Variants in NRG3 observed in about 807,000 individuals in gnomAD.
The protein encoded by NRG3 is pro-neuregulin-3, membrane-bound isoform.
NRG3 carries 31 observed loss-of-function variants against 66.9 expected under a neutral mutation model. The observed-to-expected ratio is 0.46, with a 90% CI of 0.35 to 0.63. The LOEUF (loss-of-function observed/expected upper bound fraction) is 0.63. Ranked by LOEUF, NRG3 falls within the 20% of genes least tolerant of loss-of-function variation. The pLI, the probability that NRG3 is intolerant of heterozygous loss-of-function variation, is 0.00. For synonymous variants in NRG3, 393 were observed against 359.4 expected (o/e 1.09, Z -1.06); for missense variants, 910 against 878.9 (o/e 1.04, Z -0.45).
chr10:82,091,740 T>C (rs1459830263), intron 1 of NRG3, among the ~76,000 whole-genome samples: 1 of 152,198 alleles, frequency 6.6e-6, no homozygotes, highest in Non-Finnish European at 1.5e-5. Context: ...TACCATGCTG[T>C]TTCCACAGCA....
chr10:82,586,240 T>TAA (rs56840714), intron 2 of NRG3, among the ~76,000 whole-genome samples: 8,029 of 144,116 alleles, frequency 0.056, 291 homozygotes, highest in Non-Finnish European at 0.081. Context: ...TTGAAATTAT[T>TAA]AAAAAAAAAA....
At chr10:82,227,126 C>T (rs2076204247) in intron 1 of NRG3, among the ~76,000 whole-genome samples, 1 of 152,072 alleles carries the variant, frequency 6.6e-6, no homozygotes, top group Non-Finnish European at 1.5e-5. Flanking sequence ...GGTCATCTTT[C>T]CTTATTCTTC....
chr10:81,981,157 C>T (rs2060319278), intron 1 of NRG3, among the ~76,000 whole-genome samples: 2 of 152,078 alleles, frequency 1.3e-5, no homozygotes, highest in African/African-American at 4.8e-5. Flanking sequence ...TTCTAACTTC[C>T]AAAACTCATG....
At chr10:82,633,997 T>G (rs564345171) in intron 2 of NRG3, among the ~76,000 whole-genome samples, 1 of 152,270 alleles carries the variant, frequency 6.6e-6, no homozygotes, top group South Asian at 2.1e-4. Context: ...TATTAAAACA[T>G]TGATAACCAA....
At chr10:82,808,895 A>G (rs2061388737) in intron 3 of NRG3, among the ~76,000 whole-genome samples, 1 of 152,232 alleles carries the variant, frequency 6.6e-6, no homozygotes, top group Non-Finnish European at 1.5e-5. Flanking sequence ...CATGAATTAC[A>G]TGTATTGGGG....
chr10:82,500,916 T>C lies in NRG3; in HGVS notation c.953+142048T>C, dbSNP rs144720113. On this transcript the variant is annotated intron_variant, in intron 2 of 8. Coordinates refer to ENST00000372141, the MANE Select transcript of NRG3 (RefSeq NM_001010848.4). Reference sequence around the variant, plus strand: ...GTCTAGATGGTAGATGGTTATTTAATGAGAGGTAAGGATGGAGTATGATTT... The same window carrying C: ...GTCTAGATGGTAGATGGTTATTTAACGAGAGGTAAGGATGGAGTATGATTT... Among the ~76,000 whole-genome samples, 59 of 152,256 alleles carry C rather than the reference T, an allele frequency of 3.9e-4. No homozygotes were observed. The East Asian group carries it at 0.01, about 26-fold the overall frequency.
rs551453138 is a variant in NRG3 at position 82,858,571 on chromosome 10, A to G, written c.1028-6840A>G. Among the ~76,000 whole-genome samples the G allele has an allele frequency of 3.3e-5, 5 of 152,286 alleles. No homozygotes were observed. In the South Asian group the frequency reaches 1.0e-3, roughly 32 times the overall value. On this transcript the variant is annotated intron_variant, in intron 3 of 8. Coordinates refer to ENST00000372141, the MANE Select transcript of NRG3 (RefSeq NM_001010848.4). ...TCAACTTGCCTTCCTCACAAAACCT[A>G]TTTGCTCTTCTCAGTTGCAATGGAC...
chr10:82,208,917 A>G (rs1024262884), intron 1 of NRG3, among the ~76,000 whole-genome samples: 3 of 152,162 alleles, frequency 2.0e-5, no homozygotes, highest in Non-Finnish European at 4.4e-5. Flanking sequence ...TCAGGAACAT[A>G]TGGTCCATGT....
chr10:81,965,583 AATC>A (rs1407993855), intron 1 of NRG3, among the ~76,000 whole-genome samples: 2 of 152,158 alleles, frequency 1.3e-5, no homozygotes, highest in African/African-American at 4.8e-5. Flanking sequence ...ACCTTCATTA[AATC>A]ATCTATGATT....
At chr10:81,907,384 A>G (rs1410601919) in intron 1 of NRG3, among the ~76,000 whole-genome samples, 1 of 152,170 alleles carries the variant, frequency 6.6e-6, no homozygotes, top group Non-Finnish European at 1.5e-5. Context: ...TTATCACCAC[A>G]TTATAGTGGC....
At chr10:82,712,724 G>C (rs1048766619) in intron 2 of NRG3, among the ~76,000 whole-genome samples, 2 of 152,160 alleles carry the variant, frequency 1.3e-5, no homozygotes, top group Non-Finnish European at 2.9e-5. Context: ...TTGAGGACAT[G>C]AGAGCATTAG....
intron 3 of NRG3, among the ~76,000 whole-genome samples, chr10:82,832,360 T>G (rs2062568287): frequency 6.6e-6 from 1 of 152,178 alleles, no homozygotes; most frequent in Admixed American, 6.5e-5. Context: ...TCCCTCCTCC[T>G]TGTTGCTGAT....
chr10:82,430,224 C>G (rs2089708109), intron 2 of NRG3, among the ~76,000 whole-genome samples: 1 of 151,950 alleles, frequency 6.6e-6, no homozygotes. Flanking sequence ...ATGTTTAGGC[C>G]ATACTTTCTT....
chr10:81,968,925 G>A (rs1266962535), intron 1 of NRG3, among the ~76,000 whole-genome samples: 2 of 152,190 alleles, frequency 1.3e-5, no homozygotes, highest in Non-Finnish European at 2.9e-5. Flanking sequence ...ACGAAGTGAG[G>A]CGAGGTTGTT....
At chr10:81,881,160 C>T (rs562761559) in intron 1 of NRG3, among the ~76,000 whole-genome samples, 1 of 151,410 alleles carries the variant, frequency 6.6e-6, no homozygotes, top group East Asian at 1.9e-4. Context: ...CTGAAGGCTC[C>T]TTTCAGGCTT....
intron 2 of NRG3, among the ~76,000 whole-genome samples, chr10:82,638,242 G>A (rs540048458): frequency 1.3e-5 from 2 of 152,282 alleles, no homozygotes; most frequent in East Asian, 1.9e-4. Flanking sequence ...GGAACATACC[G>A]ATTTCCATGC....
chr10:82,925,640 G>C (rs764846813), intron 4 of NRG3, among the ~76,000 whole-genome samples: 1 of 152,266 alleles, frequency 6.6e-6, no homozygotes, highest in East Asian at 1.9e-4. Flanking sequence ...TTTGCCAAGG[G>C]TTATTATTTT....
At chr10:82,720,844 AC>A (rs1280722108) in intron 2 of NRG3, among the ~76,000 whole-genome samples, 1 of 84,132 alleles carries the variant, frequency 1.2e-5, no homozygotes. Flanking sequence ...TATATATATC[AC>A]CCATCACTTG....
intron 2 of NRG3, among the ~76,000 whole-genome samples, chr10:82,647,842 G>T (rs972551047): frequency 4.6e-5 from 7 of 150,628 alleles, no homozygotes; most frequent in Admixed American, 4.6e-4. Flanking sequence ...CCCACTTTTT[G>T]ATGGGGTTGT....
Sources: allele counts gnomAD v4.1 joint callset (sites outside exome capture counted in the v4.1 genomes callset), GRCh38; gene constraint gnomAD v4.1.1; transcripts MANE v1.5; gene names NCBI Gene and HGNC (gene_info 2026-07-23, HGNC 2026-07-21).